PCDH15: variants seen among roughly 807,000 people sequenced by gnomAD.
The protein encoded by PCDH15 is protocadherin related 15.
PCDH15 carries 129 observed loss-of-function variants against 178.5 expected under a neutral mutation model. That is an observed-to-expected ratio of 0.72 (90% confidence interval 0.63 to 0.84). The LOEUF (loss-of-function observed/expected upper bound fraction) is 0.84, where lower values mean the gene tolerates loss of function less well. PCDH15 is among the 40% of genes least tolerant of loss of function. The pLI, the probability that PCDH15 is intolerant of heterozygous loss-of-function variation, is 0.00. For missense variants in PCDH15, 2,230 were observed against 2,099.9 expected (o/e 1.06, Z -1.21); for synonymous variants, 800 against 732.0 (o/e 1.09, Z -1.50).
intron 26 of PCDH15, among the ~76,000 whole-genome samples, chr10:53,869,694 C>A (rs188700995): frequency 1.3e-5 from 2 of 152,086 alleles, no homozygotes; most frequent in Non-Finnish European, 2.9e-5. Context: ...GTAATACCAA[C>A]ACTTTGGGAG....
chr10:54,785,164 T>A (rs902969839), intron 1 of PCDH15, among the ~76,000 whole-genome samples: 1 of 151,970 alleles, frequency 6.6e-6, no homozygotes, highest in Non-Finnish European at 1.5e-5. Flanking sequence ...AATGCCTTTC[T>A]TTTTTACTCT....
intron 3 of PCDH15, among the ~76,000 whole-genome samples, chr10:54,858,220 A>AT (rs553393087): frequency 1.4e-3 from 218 of 152,200 alleles, no homozygotes; most frequent in African/African-American, 4.8e-3. Flanking sequence ...AGGTTCATTC[A>AT]TTTTTTTGTA....
At chr10:54,933,511 G>A (rs1250219592) in intron 2 of PCDH15, among the ~76,000 whole-genome samples, 1 of 152,066 alleles carries the variant, frequency 6.6e-6, no homozygotes, top group East Asian at 1.9e-4. Context: ...CAATGGAATA[G>A]AAGAGCAAAA....
chr10:54,199,608 C>T (rs1044810616), intron 10 of PCDH15, among the ~76,000 whole-genome samples: 2 of 88,604 alleles, frequency 2.3e-5, no homozygotes, highest in Non-Finnish European at 5.0e-5. Flanking sequence ...ATACTTTGCT[C>T]GTTAGTGGGC....
At chr10:54,069,689 G>T (rs72794991) in intron 17 of PCDH15, among the ~76,000 whole-genome samples, 2 of 152,006 alleles carry the variant, frequency 1.3e-5, no homozygotes, top group African/African-American at 2.4e-5. Flanking sequence ...AAATTAGTTA[G>T]GTGTAAATCA....
chr10:55,529,741 G>GCA (rs1439080335), intron 2 of PCDH15, among the ~76,000 whole-genome samples: 1 of 62,772 alleles, frequency 1.6e-5, no homozygotes, highest in Non-Finnish European at 3.1e-5. Flanking sequence ...TTGTCTGTGA[G>GCA]TATATATATA....
intron 3 of PCDH15, among the ~76,000 whole-genome samples, chr10:54,469,550 C>T (rs988103794): frequency 2.6e-5 from 4 of 152,042 alleles, no homozygotes; most frequent in Non-Finnish European, 4.4e-5. Context: ...TTGCTGGGGA[C>T]AGGGCCATCA....
At chr10:55,479,095 T>G (rs1330819347) in intron 2 of PCDH15, among the ~76,000 whole-genome samples, 1 of 151,406 alleles carries the variant, frequency 6.6e-6, no homozygotes, top group African/African-American at 2.4e-5. Context: ...ATTCTAAAAC[T>G]ATTCAAAAAT....
chr10:54,918,833 T>C (rs1190480052), intron 2 of PCDH15, among the ~76,000 whole-genome samples: 1 of 152,194 alleles, frequency 6.6e-6, no homozygotes, highest in Non-Finnish European at 1.5e-5. Flanking sequence ...CATATAAACC[T>C]AATTTAAGTT....
chr10:55,527,305 A>G (rs1337604326), intron 2 of PCDH15, among the ~76,000 whole-genome samples: 1 of 152,038 alleles, frequency 6.6e-6, no homozygotes, highest in South Asian at 2.1e-4. Flanking sequence ...GTTCCTTCTG[A>G]AGGCTGTAAG....
chr10:54,882,171 A>G (rs1187829384), intron 3 of PCDH15, among the ~76,000 whole-genome samples: 1 of 152,092 alleles, frequency 6.6e-6, no homozygotes, highest in East Asian at 1.9e-4. Flanking sequence ...CTCATCTGTT[A>G]TTAGTAATAT....
chr10:54,445,095 T>C (rs2136212383), intron 3 of PCDH15, among the ~76,000 whole-genome samples: 1 of 151,312 alleles, frequency 6.6e-6, no homozygotes, highest in Non-Finnish European at 1.5e-5. Flanking sequence ...TTTTCATATG[T>C]CATGAGGATT....
chr10:55,266,517 C>A (rs534153472), intron 1 of PCDH15, among the ~76,000 whole-genome samples: 46 of 152,304 alleles, frequency 3.0e-4, no homozygotes, highest in African/African-American at 2.6e-4. Flanking sequence ...TGAGGACAGG[C>A]ATTTCTGTTT....
chr10:54,149,518 G>C (rs1036706736), intron 14 of PCDH15, among the ~76,000 whole-genome samples: 1 of 152,152 alleles, frequency 6.6e-6, no homozygotes, highest in African/African-American at 2.4e-5. Flanking sequence ...GAGGAGACTG[G>C]TGCCACAACT....
chr10:55,563,266 C>T lies in PCDH15; in HGVS notation c.-156+64359G>A, dbSNP rs139804286. ...GGTGACTTCCAGGAGATTTAAAAGG[C>T]TGTTTGTCCCCCTACATTTTTCCTT... On this transcript the variant is annotated intron_variant, in intron 2 of 5. Coordinates refer to the PCDH15 transcript ENST00000613346. Among the ~76,000 whole-genome samples, 3 of 151,984 alleles carry T rather than the reference C, an allele frequency of 2.0e-5. No homozygotes were observed. The East Asian group carries it at 5.8e-4, about 30-fold the overall frequency.
At chr10:55,450,948 G>C (rs1002638812) in intron 2 of PCDH15, among the ~76,000 whole-genome samples, 17 of 81,452 alleles carry the variant, frequency 2.1e-4, no homozygotes, top group African/African-American at 9.3e-4. Context: ...GGAAGAAGGG[G>C]TAAGAACTAT....
chr10:54,917,276 A>C (rs1347557957), intron 2 of PCDH15, among the ~76,000 whole-genome samples: 1 of 152,264 alleles, frequency 6.6e-6, no homozygotes, highest in East Asian at 1.9e-4. Context: ...TGTCAGAAAA[A>C]TAAGAAGAGC....
intron 15 of PCDH15, among the ~76,000 whole-genome samples, chr10:54,096,108 T>G (rs1187340268): frequency 1.3e-5 from 2 of 152,126 alleles, no homozygotes; most frequent in East Asian, 1.9e-4. Context: ...TGCCAAAGTT[T>G]ACAAACTATA....
intron 1 of PCDH15, among the ~76,000 whole-genome samples, chr10:54,691,644 G>A (rs577564527): frequency 2.5e-4 from 38 of 151,586 alleles, no homozygotes; most frequent in Non-Finnish European, 4.4e-4. Flanking sequence ...GCCACACATC[G>A]TCTACATTTT....
Sources: allele counts gnomAD v4.1 joint callset (sites outside exome capture counted in the v4.1 genomes callset), GRCh38; gene constraint gnomAD v4.1.1; transcripts MANE v1.5; gene names NCBI Gene and HGNC (gene_info 2026-07-23, HGNC 2026-07-21).